The following ARHGEF10L variants were observed in gnomAD, a reference collection of about 807,000 sequenced individuals.
ARHGEF10L encodes rho guanine nucleotide exchange factor 10-like protein.
In ARHGEF10L, 69 loss-of-function variants were observed where a neutral mutation model predicts 141.2. That is an observed-to-expected ratio of 0.49 (90% CI 0.40 to 0.60). The LOEUF (loss-of-function observed/expected upper bound fraction) is 0.60. Ranked by LOEUF, ARHGEF10L falls within the 20% of genes least tolerant of loss-of-function variation. The pLI is 0.00. For missense variants in ARHGEF10L, 1,482 were observed against 1,734.3 expected, an observed-to-expected ratio of 0.85 and a Z score of 2.58; for synonymous variants, 711 against 718.5, an observed-to-expected ratio of 0.99 and a Z score of 0.17.
intron 1 of ARHGEF10L, among the ~76,000 whole-genome samples, chr1:17,568,687 G>A (rs550866620): frequency 2.6e-5 from 4 of 152,336 alleles, no homozygotes; most frequent in East Asian, 1.9e-4. Flanking sequence ...GGCTGTGGGC[G>A]GCATCCGCAT....
chr1:17,624,518 T>A lies in ARHGEF10L; in HGVS notation c.1317+15T>A. The A allele has an allele frequency of 6.2e-7, 1 of 1,605,064 alleles. No individual in the cohort carries two copies. Among genetic ancestry groups the A allele is most frequent in the African/African-American group, 1.3e-5 (1 of 74,818 alleles). The stretch of plus-strand genomic sequence containing the variant: ...AGTTCCTCAAGGTGGGCCTCCATGG[T>A]GGTACCGTGCCTGGTCAGGGTGGGC... On this transcript the variant is annotated intron_variant, in intron 13 of 28. Transcript: ENST00000361221.
chr1:17,689,800 C>G (rs1315834592), intron 27 of ARHGEF10L: 2 of 455,570 alleles, frequency 4.4e-6, no homozygotes, highest in Non-Finnish European at 8.8e-6. Context: ...TTTTAAAAAT[C>G]TTTGGAATCT....
intron 15 of ARHGEF10L, among the ~76,000 whole-genome samples, chr1:17,628,493 C>T (rs1171462903): frequency 2.0e-5 from 3 of 152,140 alleles, no homozygotes; most frequent in Non-Finnish European, 2.9e-5. Context: ...GTGCTGGGGT[C>T]TCTGGGAGGT....
chr1:17,658,631 G>A (rs1275477033), intron 25 of ARHGEF10L, among the ~76,000 whole-genome samples: 3 of 152,136 alleles, frequency 2.0e-5, no homozygotes, highest in Non-Finnish European at 2.9e-5. Flanking sequence ...CGCTTACTGA[G>A]CACGTACTAT....
In ARHGEF10L at chr1:17,656,755, G is replaced by T; in HGVS notation, c.2860+47G>T. On this transcript the variant is annotated intron_variant, in intron 25 of 28. Transcript: ENST00000361221. The surrounding 1 kb of genome is among the most constrained non-coding windows in gnomAD (Gnocchi z 4.9). ...GGAAGGGGGGCAGTCCTGGATGCCA[G>T]CTGGGTGCCAGATTCTCTACCAAGA... 6.3e-7 allele frequency: 1 copy of T among 1,578,126 alleles called. No individual in the cohort carries two copies. Among genetic ancestry groups the T allele is most frequent in the Non-Finnish European group, 8.6e-7 (1 of 1,158,212 alleles).
At chr1:17,546,452 G>C (rs988378891) in intron 1 of ARHGEF10L, among the ~76,000 whole-genome samples, 1 of 152,080 alleles carries the variant, frequency 6.6e-6, no homozygotes, top group Non-Finnish European at 1.5e-5. Flanking sequence ...TTTCCATGCC[G>C]ATCCTGCAAG....
intron 12 of ARHGEF10L, 80 bp from the exon 13 acceptor site, chr1:17,624,307 T>G: frequency 8.7e-7 from 1 of 1,147,484 alleles, no homozygotes; most frequent in Non-Finnish European, 1.3e-6. Flanking sequence ...TGAGGCGGCC[T>G]CCCTGGCCCA....
At chr1:17,636,866 G>C (rs1421624153) in intron 18 of ARHGEF10L, among the ~76,000 whole-genome samples, 2 of 152,070 alleles carry the variant, frequency 1.3e-5, no homozygotes, top group Admixed American at 6.6e-5. Flanking sequence ...ACGGCCTAGA[G>C]AATACAGTCC....
chr1:17,592,650 G>C (rs2079652240), intron 4 of ARHGEF10L, among the ~76,000 whole-genome samples: 1 of 152,162 alleles, frequency 6.6e-6, no homozygotes, highest in Non-Finnish European at 1.5e-5. Flanking sequence ...GGGGCTCATG[G>C]GAAGGGCAGG....
At chr1:17,530,413 A>ATTG in the ARHGEF10L span, among the ~76,000 whole-genome samples, 4 of 152,292 alleles carry the variant, frequency 2.6e-5, no homozygotes, top group South Asian at 8.3e-4. Context: ...TGCAATATCA[A>ATTG]CATTGAGGGT....
intron 26 of ARHGEF10L, among the ~76,000 whole-genome samples, chr1:17,666,706 C>G (rs1208876207): frequency 6.6e-6 from 1 of 151,924 alleles, no homozygotes; most frequent in East Asian, 1.9e-4. Flanking sequence ...CTGGTTCATG[C>G]TGGGGGCTTC....
intron 1 of ARHGEF10L, among the ~76,000 whole-genome samples, chr1:17,542,239 A>C (rs2076756800): frequency 6.6e-6 from 1 of 152,132 alleles, no homozygotes; most frequent in Non-Finnish European, 1.5e-5. Flanking sequence ...ACTTGAGCGC[A>C]GGTGTTCGGG....
intron 14 of ARHGEF10L, among the ~76,000 whole-genome samples, chr1:17,626,846 C>T (rs1420650298): frequency 1.3e-5 from 2 of 152,246 alleles, no homozygotes; most frequent in African/African-American, 4.8e-5. Context: ...AACACGTATA[C>T]GTGGAATCAT....
the ARHGEF10L span, among the ~76,000 whole-genome samples, chr1:17,515,823 A>T: frequency 6.6e-6 from 1 of 152,150 alleles, no homozygotes; most frequent in African/African-American, 2.4e-5. Context: ...TTGCACTTTT[A>T]GTAGAGACAG....
At chr1:17,649,729 G>A (rs1030829125) in intron 22 of ARHGEF10L, among the ~76,000 whole-genome samples, 9 of 152,192 alleles carry the variant, frequency 5.9e-5, no homozygotes, top group Non-Finnish European at 1.3e-4. Flanking sequence ...AAAGACATCG[G>A]GGCCACAGTA....
In ARHGEF10L at chr1:17,589,831, G is replaced by A. The variant is rs190999330; in HGVS notation, c.257+1352G>A. Among the ~76,000 whole-genome samples, 713 of 152,230 alleles carry A rather than the reference G, an allele frequency of 4.7e-3. 6 individuals are homozygous for A. Among genetic ancestry groups the A allele is most frequent in the African/African-American group, 0.016 (646 of 41,528 alleles). On this transcript the variant is annotated intron_variant, in intron 4 of 28. Coordinates refer to ENST00000361221, the MANE Select transcript of ARHGEF10L (RefSeq NM_018125.4). ...TCAGTCTGGTGGGAGATGCAGATGC[G>A]TCAGAGTGGGACAGAGACGGACGCC...
intron 18 of ARHGEF10L, among the ~76,000 whole-genome samples, chr1:17,636,153 G>A (rs1000920847): frequency 7.2e-5 from 11 of 152,142 alleles, no homozygotes; most frequent in Admixed American, 6.5e-4. Context: ...CCTTTCTGCT[G>A]GTCATGCGGT....
At chr1:17,515,599 C>A in the ARHGEF10L span, among the ~76,000 whole-genome samples, 1 of 152,038 alleles carries the variant, frequency 6.6e-6, no homozygotes, top group African/African-American at 2.4e-5. Flanking sequence ...TGTGCCCTGC[C>A]AGATACTATT....
chr1:17,560,871 C>T (rs1441664378), intron 1 of ARHGEF10L, among the ~76,000 whole-genome samples: 1 of 152,212 alleles, frequency 6.6e-6, no homozygotes, highest in Non-Finnish European at 1.5e-5. Context: ...GGCCCTCAAG[C>T]ATCTCTTGAA....
Sources: allele counts gnomAD v4.1 joint callset (sites outside exome capture counted in the v4.1 genomes callset), GRCh38; gene constraint gnomAD v4.1.1; non-coding constraint Gnocchi (gnomAD v3.1); transcripts MANE v1.5; gene names NCBI Gene and HGNC (gene_info 2026-07-23, HGNC 2026-07-21).